CCL28: variants seen among roughly 807,000 people sequenced by gnomAD.
The protein encoded by CCL28 is C-C motif chemokine ligand 28.
Under a neutral mutation model 7.1 loss-of-function variants are expected in CCL28, and 4 were observed. The observed-to-expected ratio is 0.56, with a 90% CI of 0.28 to 1.29. CCL28 has a LOEUF of 1.29. Among genes scored for constraint, CCL28 ranks in the 50% most tolerant of loss-of-function variants. The pLI, the probability that CCL28 is intolerant of heterozygous loss-of-function variation, is 0.11. For synonymous variants in CCL28, 55 were observed against 57.8 expected (o/e 0.95, Z 0.22); for missense variants, 151 against 163.4 (o/e 0.92, Z 0.41).
chr5:43,408,972 C>G (rs905232233), intron 1 of CCL28, among the ~76,000 whole-genome samples: 1 of 151,094 alleles, frequency 6.6e-6, no homozygotes, highest in Non-Finnish European at 1.5e-5. Flanking sequence ...CTCACTGCAG[C>G]CTCGAACTCC....
At position 43,379,387 on chromosome 5, in the gene CCL28, T is replaced by G. The variant is rs529161996; in HGVS notation, c.*2473A>C. 6.6e-6 allele frequency: 1 copy of G among 152,292 alleles called. No homozygotes were observed. The highest frequency in any genetic ancestry group is 2.4e-5 in the African/African-American group (1 of 41,562). 9.4% of individuals were successfully genotyped at this position (152,292 alleles called of 1,614,324 possible). ...TTTTAAGTTACTCTCATATTATATT[T>G]TATTAATTTTTTCTTATTTAAAAAG... On this transcript the variant is annotated 3_prime_UTR_variant, in exon 3 of 3. Transcript: ENST00000361115.
chr5:43,402,821 G>A (rs890376931), intron 1 of CCL28, among the ~76,000 whole-genome samples: 19 of 152,290 alleles, frequency 1.2e-4, no homozygotes, highest in Middle Eastern at 3.4e-3. Flanking sequence ...CTAATACTGC[G>A]CTTTTCCAAT....
intron 1 of CCL28, among the ~76,000 whole-genome samples, chr5:43,404,616 CCA>C (rs1741189954): frequency 6.6e-6 from 1 of 152,132 alleles, no homozygotes; most frequent in Non-Finnish European, 1.5e-5. Flanking sequence ...GGCAAAATAA[CCA>C]GCTAGCATCA....
the CCL28 span, among the ~76,000 whole-genome samples, chr5:43,366,648 C>G: frequency 6.6e-6 from 1 of 152,260 alleles, no homozygotes; most frequent in African/African-American, 2.4e-5. Flanking sequence ...AGAAGGCAGT[C>G]TGTCCCTTAG....
intron 1 of CCL28, 55 bp from the exon 2 acceptor site, chr5:43,388,531 A>T: frequency 6.5e-7 from 1 of 1,545,380 alleles, no homozygotes; most frequent in South Asian, 1.2e-5. Flanking sequence ...GAACACTGGC[A>T]TGGTTCTCAT....
chr5:43,409,834 C>T (rs1281996729), intron 1 of CCL28, among the ~76,000 whole-genome samples: 1 of 152,038 alleles, frequency 6.6e-6, no homozygotes, highest in East Asian at 1.9e-4. Flanking sequence ...AGGCTCAGGG[C>T]CACCGAAACA....
the CCL28 span, among the ~76,000 whole-genome samples, chr5:43,364,049 A>T: frequency 6.6e-6 from 1 of 152,238 alleles, no homozygotes; most frequent in African/African-American, 2.4e-5. Context: ...GACAGGGATA[A>T]AACTCACTGC....
the CCL28 span, among the ~76,000 whole-genome samples, chr5:43,371,309 G>A: frequency 2.6e-5 from 4 of 152,058 alleles, no homozygotes; most frequent in African/African-American, 7.2e-5. Context: ...TTATAGAAAC[G>A]TGTGGAATGG....
chr5:43,397,270 C>T (rs939251341), intron 1 of CCL28: 3 of 152,172 alleles, frequency 2.0e-5, no homozygotes, highest in Admixed American at 6.5e-5. Context: ...GCGGGCTGCC[C>T]TTCACAGAGC....
At chr5:43,402,345 T>G (rs1396561445) in intron 1 of CCL28, among the ~76,000 whole-genome samples, 3 of 152,190 alleles carry the variant, frequency 2.0e-5, no homozygotes, top group African/African-American at 4.8e-5. Context: ...TTGATTAATA[T>G]TAATAATAAA....
intron 1 of CCL28, among the ~76,000 whole-genome samples, chr5:43,400,460 C>T (rs1579744484): frequency 6.6e-6 from 1 of 152,124 alleles, no homozygotes; most frequent in Non-Finnish European, 1.5e-5. Flanking sequence ...TGCTGGATTA[C>T]AGGCGTGATC....
In CCL28 at chr5:43,382,014, T is replaced by C; in HGVS notation, c.230A>G (p.His77Arg). The C allele has an allele frequency of 6.2e-7, 1 of 1,613,744 alleles. No homozygotes were observed. The highest frequency in any genetic ancestry group is 8.5e-7 in the Non-Finnish European group (1 of 1,179,858). Residue 77 changes from histidine (H) to arginine (R), a missense_variant, in exon 3 of 3, where the codon CAC becomes CGC. Transcript: ENST00000361115. ...CATCCACTGCTTAACAGTATGGTTGTGCGGGCTGACACAGATTCTTCTGCG... is the reference window on the plus strand; with the variant it reads ...CATCCACTGCTTAACAGTATGGTTGCGCGGGCTGACACAGATTCTTCTGCG... Reference protein sequence around the residue: ...VKRRRICVSPHNHTVKQWMKV... With the variant: ...VKRRRICVSPRNHTVKQWMKV...
intron 2 of CCL28, 76 bp from the exon 3 acceptor site, chr5:43,382,128 C>A: frequency 7.5e-7 from 1 of 1,341,156 alleles, no homozygotes; most frequent in South Asian, 1.4e-5. Context: ...TTACATGCAG[C>A]TCCCACTTTG....
At chr5:43,399,195 A>G (rs2111848574) in intron 1 of CCL28, among the ~76,000 whole-genome samples, 1 of 152,256 alleles carries the variant, frequency 6.6e-6, no homozygotes, top group East Asian at 1.9e-4. Flanking sequence ...ATCCAAGTGT[A>G]ATTCCATCTT....
chr5:43,403,081 GGAAC>G (rs1741110298), intron 1 of CCL28, among the ~76,000 whole-genome samples: 1 of 152,218 alleles, frequency 6.6e-6, no homozygotes, highest in Non-Finnish European at 1.5e-5. Flanking sequence ...TCCACCTCTG[GGAAC>G]AGGGCATAGT....
At chr5:43,362,743 A>G in the CCL28 span, among the ~76,000 whole-genome samples, 3 of 152,220 alleles carry the variant, frequency 2.0e-5, no homozygotes, top group African/African-American at 7.2e-5. Context: ...TTAACATTCG[A>G]TTTGGAGAAC....
chr5:43,377,717 C>CTTTT (rs767834184), downstream of CCL28, among the ~76,000 whole-genome samples: 640 of 42,692 alleles, frequency 0.015, 215 homozygotes, highest in African/African-American at 0.054. Flanking sequence ...AGAACTTAAA[C>CTTTT]TTTTTTTTTT....
At chr5:43,357,682 A>AG in the CCL28 span, among the ~76,000 whole-genome samples, 6 of 152,128 alleles carry the variant, frequency 3.9e-5, no homozygotes, top group South Asian at 4.2e-4. Context: ...CCTGAAAGAA[A>AG]GGGGGGGAAA....
rs529434596 is a variant in CCL28, at chr5:43,395,013, T to C, written c.65-6537A>G. ...TTACCATCCTTCCATGTTTTGGGTA[T>C]TAAGGGTATGTTAATCTCAACAATG... On this transcript the variant is annotated intron_variant, in intron 1 of 2. Coordinates refer to ENST00000361115, the MANE Select transcript of CCL28 (RefSeq NM_148672.3). Among the ~76,000 whole-genome samples, 15 of 151,458 alleles carry C rather than the reference T, an allele frequency of 9.9e-5. No homozygotes were observed. In the South Asian group the frequency reaches 3.1e-3, roughly 31 times the overall value.
Sources: gnomAD v4.1 joint callset for allele counts (sites outside exome capture counted in the v4.1 genomes callset) on GRCh38, gnomAD v4.1.1 for gene constraint, MANE v1.5 for transcripts, NCBI Gene and HGNC (gene_info 2026-07-23, HGNC 2026-07-21) for gene names.